Variants in CACNA2D1 observed in about 807,000 individuals in gnomAD.
CACNA2D1 encodes the protein calcium voltage-gated channel auxiliary subunit alpha2delta 1, also known as voltage-dependent calcium channel subunit alpha-2/delta-1.
CACNA2D1 carries 53 observed loss-of-function variants against 171.5 expected under a neutral mutation model. The observed-to-expected ratio is 0.31, with a 90% CI of 0.25 to 0.39. The LOEUF (loss-of-function observed/expected upper bound fraction) is 0.39, where lower values mean the gene tolerates loss of function less well. Ranked by LOEUF, CACNA2D1 falls within the 10% of genes least tolerant of loss-of-function variation. CACNA2D1 has a pLI of 1.00. For missense variants in CACNA2D1, 903 were observed against 1,299.8 expected, an observed-to-expected ratio of 0.69 and a Z score of 4.69; for synonymous variants, 442 against 443.1, an observed-to-expected ratio of 1.00 and a Z score of 0.03.
At chr7:82,381,966 T>C (rs1421842734) in intron 1 of CACNA2D1, among the ~76,000 whole-genome samples, 5 of 152,198 alleles carry the variant, frequency 3.3e-5, no homozygotes, top group Non-Finnish European at 5.9e-5. Context: ...TACAAAAATA[T>C]TTATAGATAC....
intron 5 of CACNA2D1, among the ~76,000 whole-genome samples, chr7:82,118,156 G>C (rs1376184872): frequency 6.6e-6 from 1 of 152,066 alleles, no homozygotes; most frequent in East Asian, 1.9e-4. Context: ...AATGATTCAA[G>C]AAAACCCCTC....
chr7:82,379,713 T>C (rs775032754), intron 1 of CACNA2D1, among the ~76,000 whole-genome samples: 8 of 152,180 alleles, frequency 5.3e-5, no homozygotes, highest in Non-Finnish European at 1.0e-4. Flanking sequence ...GTTTTAACTA[T>C]GGTAAGAACT....
chr7:82,154,941 G>C (rs1042537566), intron 4 of CACNA2D1, among the ~76,000 whole-genome samples: 1 of 152,084 alleles, frequency 6.6e-6, no homozygotes, highest in Non-Finnish European at 1.5e-5. Flanking sequence ...GGTGAGAGGT[G>C]ACTGGATCAT....
intron 3 of CACNA2D1, among the ~76,000 whole-genome samples, chr7:82,184,119 T>C (rs561531739): frequency 6.6e-6 from 1 of 150,726 alleles, no homozygotes; most frequent in East Asian, 1.9e-4. Context: ...TCTTAGACGG[T>C]AGGCAAATTT....
intron 1 of CACNA2D1, among the ~76,000 whole-genome samples, chr7:82,392,848 G>T (rs1825291799): frequency 6.6e-6 from 1 of 151,876 alleles, no homozygotes; most frequent in African/African-American, 2.4e-5. Flanking sequence ...ATGCTTGAGT[G>T]CCTCTATAAG....
At chr7:82,148,107 GAATA>G (rs1171553083) in intron 4 of CACNA2D1, among the ~76,000 whole-genome samples, 2 of 152,192 alleles carry the variant, frequency 1.3e-5, no homozygotes, top group East Asian at 3.9e-4. Context: ...TAATCAAATA[GAATA>G]ATTAACTTTA....
intron 7 of CACNA2D1, among the ~76,000 whole-genome samples, chr7:82,080,057 G>GTATATATATATACGTATATATATGTGTA (rs34773288): frequency 5.4e-5 from 8 of 148,760 alleles, no homozygotes; most frequent in South Asian, 2.1e-4. Flanking sequence ...ATATATGTGT[G>GTATATATATATACGTATATATATGTGTA]TATATATATA....
intron 3 of CACNA2D1, among the ~76,000 whole-genome samples, chr7:82,253,189 AC>A (rs1227989192): frequency 6.6e-6 from 1 of 152,188 alleles, no homozygotes; most frequent in East Asian, 1.9e-4. Context: ...AGAATGAGAA[AC>A]CATTACAGAA....
chr7:82,213,315 A>T (rs1800758892), intron 3 of CACNA2D1, among the ~76,000 whole-genome samples: 1 of 152,210 alleles, frequency 6.6e-6, no homozygotes, highest in Non-Finnish European at 1.5e-5. Flanking sequence ...AAACAAAAAG[A>T]GAGACAACCT....
At chr7:82,150,656 A>G (rs1793763494) in intron 4 of CACNA2D1, among the ~76,000 whole-genome samples, 2 of 152,118 alleles carry the variant, frequency 1.3e-5, no homozygotes, top group Admixed American at 1.3e-4. Context: ...CAAGCTGGCA[A>G]TTTCCCCATT....
At chr7:82,067,122 T>C (rs79283396) in intron 7 of CACNA2D1, among the ~76,000 whole-genome samples, 6,229 of 152,242 alleles carry the variant, frequency 0.041, 240 homozygotes, top group Non-Finnish European at 0.054. Context: ...CTTTATCTTT[T>C]TGCAATAATC....
At chr7:82,427,436 T>C (rs749490693) in intron 1 of CACNA2D1, among the ~76,000 whole-genome samples, 4 of 152,188 alleles carry the variant, frequency 2.6e-5, no homozygotes, top group Non-Finnish European at 4.4e-5. Flanking sequence ...ATGTGTTGGA[T>C]AGTGCTAAAG....
intron 1 of CACNA2D1, among the ~76,000 whole-genome samples, chr7:82,419,101 C>T (rs938752233): frequency 6.7e-6 from 1 of 149,036 alleles, no homozygotes; most frequent in Non-Finnish European, 1.5e-5. Flanking sequence ...CAGAGCAAGA[C>T]TCCATCTCAA....
chr7:82,186,823 GAC>G (rs1306421324), intron 3 of CACNA2D1, among the ~76,000 whole-genome samples: 1 of 152,094 alleles, frequency 6.6e-6, no homozygotes, highest in Non-Finnish European at 1.5e-5. Flanking sequence ...TGTGGATTTA[GAC>G]ACAGATTTGA....
intron 35 of CACNA2D1, 75 bp from the exon 36 acceptor site, chr7:81,962,098 TTCA>T: frequency 1.4e-6 from 2 of 1,399,322 alleles, no homozygotes; most frequent in South Asian, 2.3e-5. Flanking sequence ...CCCTCGAGTC[TTCA>T]CTTCTCACAG....
chr7:82,189,305 A>T (rs574061502), intron 3 of CACNA2D1, among the ~76,000 whole-genome samples: 2 of 152,124 alleles, frequency 1.3e-5, no homozygotes, highest in African/African-American at 4.8e-5. Flanking sequence ...GTGGGCAAGC[A>T]GTAATAGAGA....
At chr7:82,153,543 A>C (rs751134729) in intron 4 of CACNA2D1, among the ~76,000 whole-genome samples, 2 of 152,068 alleles carry the variant, frequency 1.3e-5, no homozygotes, top group African/African-American at 2.4e-5. Flanking sequence ...CTTGGATCTA[A>C]AGTGGTATCT....
chr7:82,058,999 A>G (rs1806279931), intron 10 of CACNA2D1, among the ~76,000 whole-genome samples: 2 of 152,134 alleles, frequency 1.3e-5, no homozygotes, highest in African/African-American at 2.4e-5. Flanking sequence ...GTAAATATCA[A>G]TAATCTAGCT....
chr7:82,023,583 G>GTT (rs35248241), intron 12 of CACNA2D1, among the ~76,000 whole-genome samples: 1 of 147,008 alleles, frequency 6.8e-6, no homozygotes, highest in African/African-American at 2.5e-5. Context: ...AAAGAGTTAG[G>GTT]TTTTTTTTTT....
Sources: allele counts gnomAD v4.1 joint callset (sites outside exome capture counted in the v4.1 genomes callset), GRCh38; gene constraint gnomAD v4.1.1; transcripts MANE v1.5; gene names NCBI Gene and HGNC (gene_info 2026-07-23, HGNC 2026-07-21).